SLC25A21: variants seen among roughly 807,000 people sequenced by gnomAD.
The protein encoded by SLC25A21 is solute carrier family 25 member 21, also known as mitochondrial 2-oxodicarboxylate carrier.
SLC25A21 carries 47 observed loss-of-function variants against 43.8 expected under a neutral mutation model. The observed-to-expected ratio is 1.07, with a 90% CI of 0.85 to 1.37. The LOEUF (loss-of-function observed/expected upper bound fraction) is 1.37, where lower values mean the gene tolerates loss of function less well. SLC25A21 is among the 40% of genes most tolerant of loss of function. SLC25A21 has a pLI of 0.00. For missense variants in SLC25A21, 352 were observed against 350.2 expected (o/e 1.00, Z -0.04); for synonymous variants, 131 against 121.3 (o/e 1.08, Z -0.52).
intron 1 of SLC25A21, among the ~76,000 whole-genome samples, chr14:37,129,517 C>T (rs937776949): frequency 3.9e-5 from 6 of 152,014 alleles, no homozygotes; most frequent in Admixed American, 1.3e-4. Flanking sequence ...TCATACCAAC[C>T]GTAATCCTAC....
chr14:37,058,854 T>C lies in SLC25A21; in HGVS notation c.70+113427A>G, dbSNP rs116823776. On this transcript the variant is annotated intron_variant, in intron 1 of 9. Coordinates refer to ENST00000331299, the MANE Select transcript of SLC25A21 (RefSeq NM_030631.4). ...CATGGTTGGTCTGCTACTTAGAACC[T>C]TGCTTGGTCTTGCCCTCTTGGATCA... Among the ~76,000 whole-genome samples the C allele has an allele frequency of 2.5e-3, 388 of 152,266 alleles. 1 individual carries two copies. Among genetic ancestry groups the C allele is most frequent in the African/African-American group, 9.0e-3 (373 of 41,542 alleles).
chr14:36,988,234 T>C (rs1960188470), intron 1 of SLC25A21, among the ~76,000 whole-genome samples: 2 of 152,220 alleles, frequency 1.3e-5, no homozygotes, highest in South Asian at 4.1e-4. Flanking sequence ...TATTAATGCC[T>C]ATCTTGCTGC....
chr14:36,964,608 G>A (rs1959570991), intron 1 of SLC25A21, among the ~76,000 whole-genome samples: 1 of 152,206 alleles, frequency 6.6e-6, no homozygotes, highest in African/African-American at 2.4e-5. Context: ...ATCCTCTTGT[G>A]AGAGTGCAAT....
intron 3 of SLC25A21, among the ~76,000 whole-genome samples, chr14:36,798,438 T>G (rs1299104171): frequency 6.6e-6 from 1 of 152,150 alleles, no homozygotes; most frequent in African/African-American, 2.4e-5. Flanking sequence ...ATTTTTGCAG[T>G]TGCTTTCAGA....
At chr14:36,815,177 G>A (rs1320348081) in intron 2 of SLC25A21, among the ~76,000 whole-genome samples, 2 of 152,094 alleles carry the variant, frequency 1.3e-5, no homozygotes, top group Non-Finnish European at 2.9e-5. Flanking sequence ...TGGCGGCTGT[G>A]GGGAAAGGGG....
At chr14:36,817,584 G>A (rs1888499810) in intron 2 of SLC25A21, among the ~76,000 whole-genome samples, 1 of 152,150 alleles carries the variant, frequency 6.6e-6, no homozygotes, top group African/African-American at 2.4e-5. Flanking sequence ...GTATACAGGA[G>A]CTGAAGTCAA....
chr14:36,985,182 G>A (rs1225403978), intron 1 of SLC25A21, among the ~76,000 whole-genome samples: 2 of 144,026 alleles, frequency 1.4e-5, no homozygotes, highest in Non-Finnish European at 3.0e-5. Flanking sequence ...GTTGTGGGAT[G>A]GGGGGAGGGG....
chr14:36,802,481 C>T (rs1566627994), intron 3 of SLC25A21, among the ~76,000 whole-genome samples: 1 of 152,056 alleles, frequency 6.6e-6, no homozygotes, highest in Non-Finnish European at 1.5e-5. Flanking sequence ...GTGCTAGCAA[C>T]ACAATAAAAT....
chr14:36,764,155 A>G (rs1594566045), intron 3 of SLC25A21, among the ~76,000 whole-genome samples: 14 of 63,732 alleles, frequency 2.2e-4, no homozygotes, highest in East Asian at 3.2e-3. Context: ...AAAGAAAGAA[A>G]GAAAGAAAGA....
At chr14:37,112,803 A>T (rs2138879517) in intron 1 of SLC25A21, among the ~76,000 whole-genome samples, 1 of 152,276 alleles carries the variant, frequency 6.6e-6, no homozygotes, top group African/African-American at 2.4e-5. Flanking sequence ...GGAAAAACAG[A>T]AGTAACATGA....
At chr14:36,942,982 G>T (rs2138651703) in intron 1 of SLC25A21, among the ~76,000 whole-genome samples, 1 of 152,238 alleles carries the variant, frequency 6.6e-6, no homozygotes, top group Non-Finnish European at 1.5e-5. Flanking sequence ...GGGAAGGTAT[G>T]GTTCCAGTAG....
intron 1 of SLC25A21, among the ~76,000 whole-genome samples, chr14:37,154,446 A>T (rs189293545): frequency 1.4e-5 from 2 of 138,832 alleles, no homozygotes; most frequent in East Asian, 3.9e-4. Flanking sequence ...ATAAACATAA[A>T]GACACAGGAA....
At chr14:37,032,397 G>A (rs79149515) in intron 1 of SLC25A21, among the ~76,000 whole-genome samples, 8 of 152,010 alleles carry the variant, frequency 5.3e-5, no homozygotes, top group Non-Finnish European at 8.8e-5. Context: ...CTAGCCGGGC[G>A]TGGTGGCGTG....
Position 36,879,391 on chromosome 14 carries a change from T to G in SLC25A21, c.71-4387A>C, listed in dbSNP as rs368740267. ...GTTTAAACTAGACAAAATACTGATT[T>G]TATAAGGCTGAACATTATAAAAATT... On this transcript the variant is annotated intron_variant, in intron 1 of 9. Coordinates refer to ENST00000331299, the MANE Select transcript of SLC25A21 (RefSeq NM_030631.4). 2.6e-5 allele frequency among the ~76,000 whole-genome samples: 4 copies of G among 152,182 alleles called. No individual in the cohort carries two copies. In the East Asian group the frequency reaches 5.8e-4, roughly 22 times the overall value.
intron 1 of SLC25A21, among the ~76,000 whole-genome samples, chr14:36,991,263 G>T (rs759174861): frequency 3.3e-5 from 5 of 152,188 alleles, no homozygotes; most frequent in Non-Finnish European, 5.9e-5. Flanking sequence ...AGAATGGGAG[G>T]ACTGTTAATG....
chr14:36,896,369 CTTTT>C (rs377510426), intron 1 of SLC25A21, among the ~76,000 whole-genome samples: 1 of 151,982 alleles, frequency 6.6e-6, no homozygotes, highest in African/African-American at 2.4e-5. Context: ...CAACTCCTGC[CTTTT>C]TTTGTTTTCC....
chr14:37,036,357 T>G (rs1380506139), intron 1 of SLC25A21, among the ~76,000 whole-genome samples: 2 of 152,164 alleles, frequency 1.3e-5, no homozygotes, highest in African/African-American at 4.8e-5. Context: ...CCTTTATTTC[T>G]GCTTGCTGCA....
intron 2 of SLC25A21, among the ~76,000 whole-genome samples, chr14:36,822,217 C>CA (rs1401629822): frequency 6.6e-6 from 1 of 152,242 alleles, no homozygotes; most frequent in African/African-American, 2.4e-5. Context: ...GGCCTGGCAT[C>CA]AATTAACACT....
chr14:36,704,581 C>A (rs1019519755), intron 7 of SLC25A21, among the ~76,000 whole-genome samples: 34 of 145,550 alleles, frequency 2.3e-4, no homozygotes, highest in Non-Finnish European at 4.5e-5. Context: ...CGCTTGAACC[C>A]GGGAGGCGGA....
Sources: allele counts gnomAD v4.1 joint callset (sites outside exome capture counted in the v4.1 genomes callset), GRCh38; gene constraint gnomAD v4.1.1; transcripts MANE v1.5; gene names NCBI Gene and HGNC (gene_info 2026-07-23, HGNC 2026-07-21).